The following C5 variants were observed in gnomAD, a reference collection of about 807,000 sequenced individuals.
The protein encoded by C5 is complement C5.
A neutral mutation model predicts 218.8 loss-of-function variants in C5; 140 were observed. The ratio of observed to expected loss-of-function variants is 0.64; its 90% CI spans 0.56 to 0.74. C5 has a LOEUF of 0.74. C5 is among the 30% of genes least tolerant of loss of function. The pLI is 0.00. For missense variants in C5, 1,700 were observed against 1,969.6 expected (o/e 0.86, Z 2.59); for synonymous variants, 614 against 682.3 (o/e 0.90, Z 1.56).
At position 121,040,226 on chromosome 9, in the gene C5, A is replaced by G. The variant is rs2047565514; in HGVS notation, c.422-2275T>C. Among the ~76,000 whole-genome samples, 3 of 152,196 alleles carry G rather than the reference A, an allele frequency of 2.0e-5. No individual in the cohort carries two copies. The South Asian group carries it at 6.2e-4, about 32-fold the overall frequency. ...CAAGGCAAAGGAGGGGCAAGAATGT[A>G]CCATGTAGAGGCAACAGCATGTTAC... On this transcript the variant is annotated intron_variant, in intron 3 of 40. Coordinates refer to ENST00000223642, the MANE Select transcript of C5 (RefSeq NM_001735.3).
At chr9:121,006,863 A>G (rs945766303) in intron 19 of C5, 41 bp downstream of exon 19, 1 of 1,278,646 alleles carries the variant, frequency 7.8e-7, no homozygotes, top group African/African-American at 1.4e-5. Context: ...CTTGCTAATC[A>G]AATCACTATT....
At chr9:121,037,133 T>G (rs772504589) in intron 4 of C5, among the ~76,000 whole-genome samples, 43 of 151,994 alleles carry the variant, frequency 2.8e-4, no homozygotes, top group Non-Finnish European at 7.4e-5. Flanking sequence ...AGATTTTTTG[T>G]GTTAGTATAA....
At chr9:120,965,838 C>A (rs991435627) in intron 33 of C5, among the ~76,000 whole-genome samples, 1 of 152,138 alleles carries the variant, frequency 6.6e-6, no homozygotes, top group Middle Eastern at 3.2e-3. Flanking sequence ...GTTGCTGGAG[C>A]CTTGATGACT....
In C5 at chr9:121,023,260, T is replaced by C. The variant is rs2131777907; in HGVS notation, c.1116+144A>G. 6 of 718,144 alleles carry C rather than the reference T, an allele frequency of 8.4e-6. No individual in the cohort carries two copies. In the East Asian group the frequency reaches 1.0e-4, roughly 12 times the overall value. The allele number at this position is 718,144 out of a possible 1,614,324, so 44.5% of individuals were successfully genotyped here. A position where few individuals can be genotyped will look rare whatever the true frequency, so the allele number is the denominator to read the frequency against. On this transcript the variant is annotated intron_variant, in intron 10 of 40. Transcript: ENST00000223642. ...CTTCAATTTCCCATCCCTGTCTGTG[T>C]CCACCAGGAGGGGCAGGTTTCACAG...
intron 38 of C5, among the ~76,000 whole-genome samples, chr9:120,959,280 CAG>C (rs1238412344): frequency 7.5e-6 from 1 of 132,692 alleles, no homozygotes; most frequent in Non-Finnish European, 1.5e-5. Flanking sequence ...TTTTTTGAGA[CAG>C]AGTCTTGCTG....
chr9:121,043,267 G>T, intron 2 of C5, 101 bp from the exon 3 acceptor site: 1 of 990,062 alleles, frequency 1.0e-6, no homozygotes, highest in Non-Finnish European at 1.5e-6. Context: ...CAATCAGTAT[G>T]TATATGTAAT....
At position 120,961,658 on chromosome 9, in the gene C5, T is replaced by C. The variant is rs552726222; in HGVS notation, c.4505-93A>G. The C allele has an allele frequency of 2.2e-5, 18 of 820,562 alleles. No individual in the cohort carries two copies. The East Asian group carries it at 3.0e-4, about 14-fold the overall frequency. 50.8% of individuals were successfully genotyped at this position (820,562 alleles called of 1,614,324 possible). On this transcript the variant is annotated intron_variant, in intron 36 of 40. Coordinates refer to ENST00000223642, the MANE Select transcript of C5 (RefSeq NM_001735.3). ...AGTGTCTTACATGGAGCCTCAGAGA[T>C]TGCTTATTTTAAACCCTTCTTTTTA... is the stretch of plus-strand genomic sequence containing the variant.
the C5 span, among the ~76,000 whole-genome samples, chr9:121,065,245 T>C: frequency 2.0e-5 from 3 of 152,088 alleles, no homozygotes; most frequent in Non-Finnish European, 4.4e-5. Context: ...ATAAAGCTGG[T>C]CCTCCTTTCA....
At position 121,037,938 on chromosome 9, in the gene C5, A is replaced by T. The variant is rs760334587; in HGVS notation, c.435T>A (p.Val145=). 4.6e-6 allele frequency: 7 copies of T among 1,510,994 alleles called. No individual in the cohort carries two copies. The Admixed American group carries it at 1.2e-4, about 26-fold the overall frequency. 93.6% of individuals were successfully genotyped at this position (1,510,994 alleles called of 1,614,324 possible). The change falls in exon 4 of 41, where the codon GTT becomes GTA. Residue 145 remains valine, a synonymous_variant. Transcript: ENST00000223642. Reference sequence around the variant, plus strand: ...GCTTCAAGTCGTCATTCAACGAATAAACTCTAACTTTTACTGTAAGAATAA... The same window carrying T: ...GCTTCAAGTCGTCATTCAACGAATATACTCTAACTTTTACTGTAAGAATAA... ...YTPDQSVKVR[V]YSLNDDLKPA...
At chr9:121,040,936 T>C (rs1320089106) in intron 3 of C5, among the ~76,000 whole-genome samples, 2 of 148,264 alleles carry the variant, frequency 1.3e-5, no homozygotes, top group East Asian at 4.1e-4. Flanking sequence ...TATTACATCG[T>C]CTTCTTTTTT....
Position 120,980,344 on chromosome 9 carries a change from C to G in C5, c.3487-90G>C, listed in dbSNP as rs147258490. ...ACCCTCAGATCCCACTATCCTGGAG[C>G]AAGCAATATGGGGGTGAAAAGAGGA... On this transcript the variant is annotated intron_variant, in intron 27 of 40. Transcript: ENST00000223642. The G allele has an allele frequency of 3.6e-5, 40 of 1,106,148 alleles. No individual in the cohort carries two copies. The African/African-American group carries it at 5.7e-4, about 16-fold the overall frequency. 68.5% of individuals were successfully genotyped at this position (1,106,148 alleles called of 1,614,324 possible). A position where few individuals can be genotyped will look rare whatever the true frequency, so the allele number is the denominator to read the frequency against.
chr9:121,040,485 C>T (rs2047568244), intron 3 of C5, among the ~76,000 whole-genome samples: 1 of 152,164 alleles, frequency 6.6e-6, no homozygotes, highest in Non-Finnish European at 1.5e-5. Context: ...CAAGAATCTT[C>T]AGATTAAATG....
At chr9:121,038,657 T>C (rs1186200925) in intron 3 of C5, among the ~76,000 whole-genome samples, 1 of 152,230 alleles carries the variant, frequency 6.6e-6, no homozygotes, top group Non-Finnish European at 1.5e-5. Flanking sequence ...GATCTAATTC[T>C]TTCCAATGAC....
chr9:121,051,388 T>C (rs546668544), upstream of C5, among the ~76,000 whole-genome samples: 2 of 152,226 alleles, frequency 1.3e-5, no homozygotes, highest in East Asian at 3.9e-4. Flanking sequence ...CCTCCCAAAG[T>C]ACTGGGATTA....
At chr9:121,028,882 C>A (rs1187848312) in intron 7 of C5, among the ~76,000 whole-genome samples, 1 of 151,952 alleles carries the variant, frequency 6.6e-6, no homozygotes, top group Non-Finnish European at 1.5e-5. Flanking sequence ...ACATTTCATC[C>A]TCATAAAGCC....
intron 34 of C5, 149 bp from the exon 35 acceptor site, chr9:120,963,116 C>T: frequency 1.4e-6 from 1 of 714,586 alleles, no homozygotes; most frequent in Non-Finnish European, 2.5e-6. Context: ...AAAGTCTGAA[C>T]ACATTAGCAT....
intron 22 of C5, among the ~76,000 whole-genome samples, chr9:120,994,476 C>T (rs2047101155): frequency 1.3e-5 from 2 of 151,792 alleles, no homozygotes; most frequent in African/African-American, 4.8e-5. Flanking sequence ...CCAGCTATTC[C>T]AGAGGCTGAG....
In C5 at chr9:120,996,307, T is replaced by C. The variant is rs1317711915; in HGVS notation, c.2791-7A>G. 11 of 1,610,650 alleles carry C rather than the reference T, an allele frequency of 6.8e-6. No homozygotes were observed. The highest frequency in any genetic ancestry group is 9.3e-6 in the Non-Finnish European group (11 of 1,176,880). The stretch of plus-strand genomic sequence containing the variant: ...CCCTTTTGACACCTTCTGGCTAAAA[T>C]AAAGGCAGAAAACATTCAGTTAAAA... On this transcript the variant is annotated splice_region_variant and splice_polypyrimidine_tract_variant and intron_variant, in intron 21 of 40. Coordinates refer to ENST00000223642, the MANE Select transcript of C5 (RefSeq NM_001735.3).
chr9:120,973,772 A>C (rs997899016), intron 30 of C5, among the ~76,000 whole-genome samples: 1 of 152,162 alleles, frequency 6.6e-6, no homozygotes, highest in African/African-American at 2.4e-5. Context: ...AGAGGTCAGG[A>C]GTTTGAGACC....
Sources: gnomAD v4.1 joint callset for allele counts (sites outside exome capture counted in the v4.1 genomes callset) on GRCh38, gnomAD v4.1.1 for gene constraint, MANE v1.5 for transcripts, NCBI Gene and HGNC (gene_info 2026-07-23, HGNC 2026-07-21) for gene names.